Variants in NAA16 observed in about 807,000 individuals in gnomAD.
NAA16 encodes NARG1-like protein.
Under a neutral mutation model 110.3 loss-of-function variants are expected in NAA16, and 97 were observed. The ratio of observed to expected loss-of-function variants is 0.88; its 90% CI spans 0.75 to 1.04. The LOEUF (loss-of-function observed/expected upper bound fraction) is 1.04. Among genes scored for constraint, NAA16 ranks in the 50% least tolerant of loss-of-function variants. The pLI, the probability that NAA16 is intolerant of heterozygous loss-of-function variation, is 0.00. For synonymous variants in NAA16, 372 were observed against 330.6 expected (o/e 1.13, Z -1.36); for missense variants, 1,017 against 1,005.1 (o/e 1.01, Z -0.16).
chr13:41,328,841 TTAGTATG>T lies in NAA16; in HGVS notation c.811+1_811+7del. On this transcript the variant is annotated splice_donor_variant and splice_donor_5th_base_variant and coding_sequence_variant and intron_variant, in exon 7 of 20. Transcript: ENST00000379406. LOFTEE classifies it high-confidence loss of function. The stretch of plus-strand genomic sequence containing the variant: ...GAAGGCTTGGAAAAAGCTCTACAAA[TTAGTATG>T]TAATGATTTTTCTCCTCTTTCTCAT... The T allele has an allele frequency of 6.3e-7, 1 of 1,595,550 alleles. No homozygotes were observed. The highest frequency in any genetic ancestry group is 8.6e-7 in the Non-Finnish European group (1 of 1,165,168).
chr13:41,329,821 A>G (rs1460622556), intron 7 of NAA16, among the ~76,000 whole-genome samples: 1 of 152,036 alleles, frequency 6.6e-6, no homozygotes, highest in Non-Finnish European at 1.5e-5. Flanking sequence ...ACGATTTATA[A>G]AAATATTTTC....
At chr13:41,354,046 A>C (rs1442451949) in intron 9 of NAA16, among the ~76,000 whole-genome samples, 1 of 152,198 alleles carries the variant, frequency 6.6e-6, no homozygotes, top group Non-Finnish European at 1.5e-5. Context: ...AAGTCATAGT[A>C]TGTGTAAATT....
At chr13:41,363,044 T>TA (rs1163338734) in intron 13 of NAA16, among the ~76,000 whole-genome samples, 1 of 152,204 alleles carries the variant, frequency 6.6e-6, no homozygotes, top group Non-Finnish European at 1.5e-5. Context: ...TCTGTTTTTG[T>TA]TTTTTGTTTG....
intron 1 of NAA16, among the ~76,000 whole-genome samples, chr13:41,313,655 G>A (rs746736688): frequency 2.0e-5 from 3 of 152,152 alleles, no homozygotes; most frequent in Non-Finnish European, 4.4e-5. Flanking sequence ...GCTTGTATCT[G>A]CATGTCTTAT....
intron 14 of NAA16, 124 bp from the exon 15 acceptor site, chr13:41,368,966 T>A (rs1593529295): frequency 1.5e-6 from 1 of 682,102 alleles, no homozygotes; most frequent in East Asian, 2.8e-5. Flanking sequence ...TTTGTGGGGG[T>A]GGGGGTCATG....
At chr13:41,364,572 T>G (rs181020606) in intron 13 of NAA16, among the ~76,000 whole-genome samples, 22 of 152,256 alleles carry the variant, frequency 1.4e-4, no homozygotes, top group African/African-American at 5.3e-4. Context: ...AATTGAGTTT[T>G]CTTTCTTTCC....
chr13:41,358,931 A>C lies in NAA16; in HGVS notation c.1379A>C (p.Glu460Ala), dbSNP rs2043053167. The C allele has an allele frequency of 1.2e-6, 2 of 1,610,494 alleles. No individual in the cohort carries two copies. Among genetic ancestry groups the C allele is most frequent in the East Asian group, 2.2e-5 (1 of 44,800 alleles). Reference sequence around the variant, plus strand: ...ATGCTTCGAGCAAATATGATAAAAGAAGCAGAGGAAATGTGCTCCAAGTTC... The same window carrying C: ...ATGCTTCGAGCAAATATGATAAAAGCAGCAGAGGAAATGTGCTCCAAGTTC... ...KYMLRANMIK[E>A]AEEMCSKFTR... Residue 460 changes from glutamate to alanine, a missense_variant, in exon 12 of 20, where the codon GAA becomes GCA. Physicochemically the swap from Glu to Ala is moderately radical, Grantham distance 107. Transcript: ENST00000379406.
chr13:41,322,835 G>T (rs1367075398), intron 4 of NAA16, among the ~76,000 whole-genome samples: 1 of 152,116 alleles, frequency 6.6e-6, no homozygotes, highest in African/African-American at 2.4e-5. Context: ...AAAGGCATGG[G>T]CCCCAAAGAT....
chr13:41,372,075 T>G, intron 15 of NAA16, 128 bp from the exon 16 acceptor site: 1 of 773,900 alleles, frequency 1.3e-6, no homozygotes, highest in Non-Finnish European at 1.8e-6. Flanking sequence ...TTTAAATGTT[T>G]TCTTGTTATT....
intron 17 of NAA16, chr13:41,373,156 T>G (rs1390825632): frequency 2.1e-6 from 2 of 930,584 alleles, no homozygotes; most frequent in Admixed American, 1.2e-4. Context: ...ATGGTAGAAA[T>G]TAGTGCATTT....
At chr13:41,356,156 CGT>C (rs138992483) in intron 10 of NAA16, among the ~76,000 whole-genome samples, 66 of 151,514 alleles carry the variant, frequency 4.4e-4, no homozygotes, top group Middle Eastern at 3.4e-3. Context: ...ATTTTGTGTG[CGT>C]GTGTGTGTGT....
At position 41,362,016 on chromosome 13, in the gene NAA16, A is replaced by G; in HGVS notation, c.1411-15A>G. On this transcript the variant is annotated splice_polypyrimidine_tract_variant and intron_variant, in intron 12 of 19. Coordinates refer to ENST00000379406, the MANE Select transcript of NAA16 (RefSeq NM_024561.5). ...CATTGTTTGCTCTCTATAGTTTTGAATGCTTCCATTTCAGGAAGGAACATC... is the reference window on the plus strand; with the variant it reads ...CATTGTTTGCTCTCTATAGTTTTGAGTGCTTCCATTTCAGGAAGGAACATC... The G allele has an allele frequency of 6.2e-7, 1 of 1,610,270 alleles. No homozygotes were observed. Among genetic ancestry groups the G allele is most frequent in the African/African-American group, 1.3e-5 (1 of 74,836 alleles).
chr13:41,358,472 A>G lies in NAA16; in HGVS notation c.1256A>G (p.Lys419Arg), dbSNP rs2043042154. ...TTCTATATGAAAGCAAAAATTTACA[A>G]GGTAAAATCTGAATCCTGTTTTTTG... Reference protein sequence around the residue: ...ELFYMKAKIYKHIGNLKEAAK... With the variant: ...ELFYMKAKIYRHIGNLKEAAK... The change falls in exon 11 of 20, where the codon AAG becomes AGG. Residue 419 changes from lysine (K) to arginine (R), a missense_variant and splice_region_variant. Physicochemically the swap from Lys to Arg is conservative, Grantham distance 26. Coordinates refer to ENST00000379406, the MANE Select transcript of NAA16 (RefSeq NM_024561.5). 2 of 1,612,900 alleles carry G rather than the reference A, an allele frequency of 1.2e-6. No homozygotes were observed. Among genetic ancestry groups the G allele is most frequent in the Non-Finnish European group, 1.7e-6 (2 of 1,179,170 alleles).
intron 9 of NAA16, among the ~76,000 whole-genome samples, chr13:41,338,677 A>T (rs1429707567): frequency 6.6e-6 from 1 of 152,200 alleles, no homozygotes; most frequent in Non-Finnish European, 1.5e-5. Flanking sequence ...TGATTTACTC[A>T]TGAGACCATT....
At position 41,311,598 on chromosome 13, in the gene NAA16, C is replaced by G; in HGVS notation, c.54+16C>G. On this transcript the variant is annotated intron_variant, in intron 1 of 19. Transcript: ENST00000379406. Reference sequence around the variant, plus strand: ...ACGCATCTTGGTGAGTGGCCGTAGGCCGCGCTGCCGCCCCCCGGTCCCCGG... The same window carrying G: ...ACGCATCTTGGTGAGTGGCCGTAGGGCGCGCTGCCGCCCCCCGGTCCCCGG... The G allele has an allele frequency of 6.2e-7, 1 of 1,600,230 alleles. No homozygotes were observed. Among genetic ancestry groups the G allele is most frequent in the Non-Finnish European group, 8.5e-7 (1 of 1,174,022 alleles).
At chr13:41,351,075 G>T (rs2042823514) in intron 9 of NAA16, among the ~76,000 whole-genome samples, 2 of 152,186 alleles carry the variant, frequency 1.3e-5, no homozygotes, top group Non-Finnish European at 2.9e-5. Flanking sequence ...ATCCAGGTTT[G>T]CCTAGGCTGG....
At chr13:41,325,970 T>TA (rs2139397845) in intron 6 of NAA16, 119 bp downstream of exon 6, 1 of 715,296 alleles carries the variant, frequency 1.4e-6, no homozygotes, top group Non-Finnish European at 2.1e-6. Context: ...CCAAACACGA[T>TA]TATTAAGCCA....
At chr13:41,320,543 G>C in intron 3 of NAA16, 124 bp from the exon 4 acceptor site, 1 of 894,030 alleles carries the variant, frequency 1.1e-6, no homozygotes, top group Non-Finnish European at 1.6e-6. Context: ...CCCTCCCCCA[G>C]ACTCCAGATC....
intron 9 of NAA16, among the ~76,000 whole-genome samples, chr13:41,349,560 G>A (rs1359010215): frequency 6.6e-6 from 1 of 151,918 alleles, no homozygotes; most frequent in African/African-American, 2.4e-5. Context: ...GGAAAAACAG[G>A]TTTTCTTGAA....
Sources: gnomAD v4.1 joint callset for allele counts (sites outside exome capture counted in the v4.1 genomes callset) on GRCh38, gnomAD v4.1.1 for gene constraint, MANE v1.5 for transcripts, NCBI Gene and HGNC (gene_info 2026-07-23, HGNC 2026-07-21) for gene names.